PLPP4: variants seen among roughly 807,000 people sequenced by gnomAD.
PLPP4 encodes phospholipid phosphatase 4.
Under a neutral mutation model 32.2 loss-of-function variants are expected in PLPP4, and 20 were observed. The ratio of observed to expected loss-of-function variants is 0.62; its 90% CI spans 0.44 to 0.90. The LOEUF is 0.90. PLPP4 is among the 40% of genes least tolerant of loss of function. The probability of loss-of-function intolerance (pLI) is 0.00; values close to 1 mark genes in which losing one functional copy is unlikely to be tolerated. For missense variants in PLPP4, 257 were observed against 353.1 expected, an observed-to-expected ratio of 0.73 and a Z score of 2.18; for synonymous variants, 127 against 133.0, an observed-to-expected ratio of 0.95 and a Z score of 0.31.
intron 3 of PLPP4, among the ~76,000 whole-genome samples, chr10:120,515,083 T>G (rs1309892889): frequency 6.6e-6 from 1 of 152,208 alleles, no homozygotes. Flanking sequence ...GAACGCTTCC[T>G]ATATAACCAG....
chr10:120,500,920 C>A (rs1845217506), intron 1 of PLPP4, among the ~76,000 whole-genome samples: 1 of 152,172 alleles, frequency 6.6e-6, no homozygotes, highest in Non-Finnish European at 1.5e-5. Context: ...TAGCCAAATG[C>A]AAATCAAATC....
intron 3 of PLPP4, among the ~76,000 whole-genome samples, chr10:120,516,494 G>A (rs1040871960): frequency 2.7e-5 from 3 of 110,744 alleles, no homozygotes; most frequent in South Asian, 3.6e-4. Flanking sequence ...ATAAAAGCAC[G>A]ATAGTGCTGA....
At chr10:120,512,957 AC>A (rs1845791231) in intron 2 of PLPP4, among the ~76,000 whole-genome samples, 1 of 152,104 alleles carries the variant, frequency 6.6e-6, no homozygotes, top group Non-Finnish European at 1.5e-5. Flanking sequence ...CAACAGTTAC[AC>A]CCCAGCCCTC....
At chr10:120,546,503 G>A (rs917967869) in intron 5 of PLPP4, among the ~76,000 whole-genome samples, 4 of 152,102 alleles carry the variant, frequency 2.6e-5, no homozygotes, top group African/African-American at 9.7e-5. Flanking sequence ...TTTTCCCAAA[G>A]CATGCTTGAA....
In PLPP4 at chr10:120,535,369, T is replaced by G. The variant is rs1846968092; in HGVS notation, c.445+14274T>G. 3.9e-5 allele frequency among the ~76,000 whole-genome samples: 6 copies of G among 152,214 alleles called. No individual in the cohort carries two copies. In the South Asian group the frequency reaches 1.0e-3, roughly 26 times the overall value. On this transcript the variant is annotated intron_variant, in intron 5 of 6. Transcript: ENST00000398250. ...TCTTGACATTTATTGAGGTTTGTTT[T>G]ATTGCTCAATGTATAGTTTATCTTG...
At chr10:120,527,815 G>A (rs1269344004) in intron 5 of PLPP4, among the ~76,000 whole-genome samples, 1 of 152,128 alleles carries the variant, frequency 6.6e-6, no homozygotes, top group Non-Finnish European at 1.5e-5. Context: ...ATCTAAGTAG[G>A]TTTTAACTAT....
chr10:120,474,135 T>C (rs970806292), intron 1 of PLPP4, among the ~76,000 whole-genome samples: 1 of 152,220 alleles, frequency 6.6e-6, no homozygotes, highest in Admixed American at 6.5e-5. Context: ...TTTTATTCTT[T>C]TCAGTAGTGT....
intron 1 of PLPP4, among the ~76,000 whole-genome samples, chr10:120,496,431 G>A (rs1844965144): frequency 6.6e-6 from 1 of 152,112 alleles, no homozygotes; most frequent in Non-Finnish European, 1.5e-5. Flanking sequence ...TACATACCTT[G>A]GAACATCCCT....
chr10:120,457,494 T>C (rs1349467632), intron 1 of PLPP4, 133 bp downstream of exon 1: 1 of 682,140 alleles, frequency 1.5e-6, no homozygotes, highest in African/African-American at 1.9e-5. Context: ...CCCCGCCAAG[T>C]GCCCGCAACG....
Position 120,503,894 on chromosome 10 carries a change from C to G in PLPP4, c.133C>G (p.Gln45Glu). 6.2e-7 allele frequency: 1 copy of G among 1,612,704 alleles called. No individual in the cohort carries two copies. The highest frequency in any genetic ancestry group is 1.1e-5 in the South Asian group (1 of 91,052). The change falls in exon 2 of 7, where the codon CAA becomes GAA. Residue 45 changes from glutamine to glutamate, a missense_variant. Transcript: ENST00000398250. ...EIWLYKNPLV[Q>E]SDNIPTRLMF... ...CTGGCTCTATAAAAATCCTTTGGTG[C>G]AATCAGATAACATACCTACCCGCCT...
intron 5 of PLPP4, among the ~76,000 whole-genome samples, chr10:120,568,442 G>A (rs1848784101): frequency 6.6e-6 from 1 of 152,088 alleles, no homozygotes; most frequent in African/African-American, 2.4e-5. Context: ...ACAACCTAAG[G>A]GCTTCTCCTG....
intron 5 of PLPP4, among the ~76,000 whole-genome samples, chr10:120,522,079 G>T (rs564483606): frequency 6.6e-6 from 1 of 152,220 alleles, no homozygotes; most frequent in Non-Finnish European, 1.5e-5. Flanking sequence ...ATGATTCCTG[G>T]GATAATTGGA....
At chr10:120,575,377 C>T (rs553765405) in intron 6 of PLPP4, 76 bp downstream of exon 6, 2 of 1,475,304 alleles carry the variant, frequency 1.4e-6, no homozygotes, top group South Asian at 1.3e-5. Context: ...TAGAAATGCA[C>T]CAATTGTGGG....
At chr10:120,570,278 G>GCACTTATATCCTCT (rs1848873974) in intron 5 of PLPP4, among the ~76,000 whole-genome samples, 1 of 151,924 alleles carries the variant, frequency 6.6e-6, no homozygotes, top group African/African-American at 2.4e-5. Flanking sequence ...TTTTTCAAAT[G>GCACTTATATCCTCT]GTCTTCTGGA....
At chr10:120,577,961 C>A (rs1004119525) in intron 6 of PLPP4, among the ~76,000 whole-genome samples, 5 of 152,172 alleles carry the variant, frequency 3.3e-5, no homozygotes, top group Admixed American at 3.3e-4. Context: ...GTTGTCACAA[C>A]TTTGAGGGGT....
chr10:120,539,100 C>T lies in PLPP4; in HGVS notation c.445+18005C>T, dbSNP rs141791027. Among the ~76,000 whole-genome samples the T allele has an allele frequency of 1.5e-3, 228 of 152,294 alleles. 2 individuals carry two copies. Among genetic ancestry groups the T allele is most frequent in the African/African-American group, 5.0e-3 (206 of 41,570 alleles). On this transcript the variant is annotated intron_variant, in intron 5 of 6. Coordinates refer to ENST00000398250, the MANE Select transcript of PLPP4 (RefSeq NM_001030059.3). ...ATACTAATTCCTTCAGCCCTTACTA[C>T]GTCCCTGCACACCTGTCTGATTTCC... is the stretch of plus-strand genomic sequence containing the variant.
chr10:120,470,694 G>T (rs1043997997), intron 1 of PLPP4, among the ~76,000 whole-genome samples: 2 of 151,940 alleles, frequency 1.3e-5, no homozygotes, highest in African/African-American at 4.8e-5. Context: ...ATATCTATTT[G>T]CCTGGTATTG....
At chr10:120,544,755 C>T (rs1242205645) in intron 5 of PLPP4, among the ~76,000 whole-genome samples, 1 of 152,206 alleles carries the variant, frequency 6.6e-6, no homozygotes, top group Non-Finnish European at 1.5e-5. Context: ...GTTGAACTTC[C>T]ACAGAGAAAG....
At chr10:120,570,275 A>G (rs1305014019) in intron 5 of PLPP4, among the ~76,000 whole-genome samples, 1 of 151,874 alleles carries the variant, frequency 6.6e-6, no homozygotes, top group Non-Finnish European at 1.5e-5. Context: ...CTTTTTTTCA[A>G]ATGGTCTTCT....
Sources: allele counts gnomAD v4.1 joint callset (sites outside exome capture counted in the v4.1 genomes callset), GRCh38; gene constraint gnomAD v4.1.1; transcripts MANE v1.5; gene names NCBI Gene and HGNC (gene_info 2026-07-23, HGNC 2026-07-21).